Variants in F5 observed in about 807,000 individuals in gnomAD.
F5 encodes the protein activated protein c cofactor.
A neutral mutation model predicts 216.4 loss-of-function variants in F5; 138 were observed. The observed-to-expected ratio is 0.64, with a 90% CI of 0.56 to 0.73. The LOEUF (loss-of-function observed/expected upper bound fraction) is 0.73. Ranked by LOEUF, F5 falls within the 30% of genes least tolerant of loss-of-function variation. The probability of loss-of-function intolerance (pLI) is 0.00; values close to 1 mark genes in which losing one functional copy is unlikely to be tolerated. For missense variants in F5, 2,403 were observed against 2,674.0 expected (o/e 0.90, Z 2.24); for synonymous variants, 916 against 930.7 (o/e 0.98, Z 0.29).
intron 8 of F5, among the ~76,000 whole-genome samples, chr1:169,551,264 C>T (rs1312824632): frequency 6.6e-6 from 1 of 152,156 alleles, no homozygotes; most frequent in African/African-American, 2.4e-5. Flanking sequence ...GCCTGGGCAA[C>T]ATGGTGAAAC....
intron 16 of F5, among the ~76,000 whole-genome samples, chr1:169,529,299 C>T (rs190200683): frequency 6.6e-6 from 1 of 152,154 alleles, no homozygotes. Context: ...AATTGCAGAA[C>T]AATGTTAATT....
In F5 at chr1:169,577,560, AATATATATATATATATAT is replaced by A. The variant is rs3035292; in HGVS notation, c.250+4853_250+4870del. Among the ~76,000 whole-genome samples the A allele has an allele frequency of 2.6e-3, 141 of 54,470 alleles. 4 individuals are homozygous for A. The highest frequency in any genetic ancestry group is 6.1e-3 in the African/African-American group (110 of 17,912). The allele number at this position is 54,470 out of a possible 152,430, so 35.7% of individuals were successfully genotyped here. A position where few individuals can be genotyped will look rare whatever the true frequency, so the allele number is the denominator to read the frequency against. On this transcript the variant is annotated intron_variant, in intron 2 of 24. Coordinates refer to ENST00000367797, the MANE Select transcript of F5 (RefSeq NM_000130.5). The stretch of plus-strand genomic sequence containing the variant: ...TGTACCACCATGTCTGGCTAATTTA[AATATATATATATATATAT>A]ATATATATATATATATATATATATA...
intron 8 of F5, among the ~76,000 whole-genome samples, chr1:169,551,314 G>T (rs564045964): frequency 6.6e-6 from 1 of 152,298 alleles, no homozygotes; most frequent in Admixed American, 6.5e-5. Context: ...GCCAGGCGTT[G>T]GGGCGTGTGC....
chr1:169,574,622 C>T (rs1660801803), intron 2 of F5, among the ~76,000 whole-genome samples: 2 of 152,214 alleles, frequency 1.3e-5, no homozygotes, highest in South Asian at 4.1e-4. Flanking sequence ...TCCCTTAATA[C>T]ATTCAAGCAC....
chr1:169,529,479 C>T (rs3830170), intron 16 of F5, 129 bp downstream of exon 16: 22 of 837,284 alleles, frequency 2.6e-5, no homozygotes, highest in East Asian at 8.0e-5. Flanking sequence ...GTTAAGGAAC[C>T]GGTTTTAGTT....
Position 169,540,455 on chromosome 1 carries a change from G to A in F5, c.4635C>T (p.Pro1545=). The change falls in exon 13 of 25, where the codon CCC becomes CCT. Residue 1545 remains proline, a synonymous_variant. Coordinates refer to ENST00000367797, the MANE Select transcript of F5 (RefSeq NM_000130.5). ...EDDYAEIDYV[P]YDDPYKTDVR... ...CATCAGTTTTGTAGGGGTCATCATA[G>A]GGCACATAATCAATTTCAGCATAGT... 6.2e-7 allele frequency: 1 copy of A among 1,613,982 alleles called. No homozygotes were observed. Among genetic ancestry groups the A allele is most frequent in the East Asian group, 2.2e-5 (1 of 44,872 alleles).
chr1:169,585,698 C>T (rs1661089960), intron 1 of F5, among the ~76,000 whole-genome samples: 1 of 152,010 alleles, frequency 6.6e-6, no homozygotes, highest in African/African-American at 2.4e-5. Context: ...AGTACAAAAA[C>T]ATACAAGAAC....
At position 169,544,245 on chromosome 1, in the gene F5, A is replaced by T. The variant is rs749049787; in HGVS notation, c.1975+51T>A. The T allele has an allele frequency of 2.0e-6, 3 of 1,527,170 alleles. 1 individual carries two copies. The South Asian group carries it at 3.4e-5, about 17-fold the overall frequency. The allele number at this position is 1,527,170 out of a possible 1,614,324, so 94.6% of individuals were successfully genotyped here. Reference sequence around the variant, plus strand: ...GGAGAGTTGCAGCAGACCTTTATAGACCAGAAATTCAAAGCAAGCTTCCTC... The same window carrying T: ...GGAGAGTTGCAGCAGACCTTTATAGTCCAGAAATTCAAAGCAAGCTTCCTC... On this transcript the variant is annotated intron_variant, in intron 12 of 24. Transcript: ENST00000367797.
Position 169,529,509 on chromosome 1 carries a change from A to G in F5, c.5419+99T>C, listed in dbSNP as rs557484885. On this transcript the variant is annotated intron_variant, in intron 16 of 24. Coordinates refer to ENST00000367797, the MANE Select transcript of F5 (RefSeq NM_000130.5). ...TTAGTTGTAGCTCTGGGTGTCTCAG[A>G]AGCATCTCATGTCTAATCTTGTGAA... The G allele has an allele frequency of 5.4e-5, 60 of 1,105,718 alleles. No homozygotes were observed. In the Admixed American group the frequency reaches 7.7e-4, roughly 14 times the overall value. 68.5% of individuals were successfully genotyped at this position (1,105,718 alleles called of 1,614,324 possible). A position where few individuals can be genotyped will look rare whatever the true frequency, so the allele number is the denominator to read the frequency against.
At chr1:169,577,514 C>G (rs754680849) in intron 2 of F5, among the ~76,000 whole-genome samples, 1 of 138,564 alleles carries the variant, frequency 7.2e-6, no homozygotes, top group Non-Finnish European at 1.5e-5. Context: ...TTAGCCTCCC[C>G]AGTAGCTGAA....
intron 3 of F5, among the ~76,000 whole-genome samples, chr1:169,564,161 A>G (rs943975592): frequency 2.6e-5 from 4 of 152,042 alleles, no homozygotes; most frequent in African/African-American, 9.7e-5. Flanking sequence ...AGGAACATAA[A>G]CGATTACCGG....
intron 9 of F5, among the ~76,000 whole-genome samples, chr1:169,550,299 C>CCCCCCG (rs1553221195): frequency 8.2e-6 from 1 of 121,528 alleles, no homozygotes; most frequent in African/African-American, 3.0e-5. Context: ...CCCCCCCCCC[C>CCCCCCG]CGACAGGCCC....
At chr1:169,563,632 C>T (rs951370361) in intron 3 of F5, among the ~76,000 whole-genome samples, 6 of 151,764 alleles carry the variant, frequency 4.0e-5, no homozygotes, top group Admixed American at 2.0e-4. Context: ...TAGTGGTATC[C>T]TTCAGTTTAT....
chr1:169,567,280 G>A (rs963248626), intron 3 of F5, among the ~76,000 whole-genome samples: 8 of 151,930 alleles, frequency 5.3e-5, no homozygotes, highest in Non-Finnish European at 1.2e-4. Context: ...TATACCTAAT[G>A]CTAGATGACG....
At chr1:169,581,048 A>G (rs903987117) in intron 2 of F5, among the ~76,000 whole-genome samples, 2 of 152,124 alleles carry the variant, frequency 1.3e-5, no homozygotes, top group Non-Finnish European at 2.9e-5. Context: ...TTCAGAGGGA[A>G]AGTGGCTTCT....
intron 2 of F5, 114 bp downstream of exon 2, chr1:169,582,317 A>T (rs1661007180): frequency 1.7e-6 from 1 of 603,888 alleles, no homozygotes; most frequent in African/African-American, 1.9e-5. Context: ...TTCTTAAAAA[A>T]AAAACCACAC....
rs777696936 is a variant in F5, at chr1:169,540,754, T to C, written c.4336A>G (p.Thr1446Ala). 1 of 1,613,894 alleles carries C rather than the reference T, an allele frequency of 6.2e-7. No homozygotes were observed. Among genetic ancestry groups the C allele is most frequent in the African/African-American group, 1.3e-5 (1 of 74,980 alleles). The change falls in exon 13 of 25, where the codon ACC becomes GCC. Residue 1446 changes from threonine (T) to alanine (A), a missense_variant. By Grantham distance (58) the Thr-to-Ala change is moderately conservative (BLOSUM62 0). Coordinates refer to ENST00000367797, the MANE Select transcript of F5 (RefSeq NM_000130.5). ...VTLSPDISDT[T>A]LLPDLSQISP... The stretch of plus-strand genomic sequence containing the variant: ...ATCTGGCTGAGATCCGGGAGAAGGG[T>C]GGTGTCACTGATGTCTGGAGAGAGA...
chr1:169,559,890 A>G (rs1454251208), intron 4 of F5, among the ~76,000 whole-genome samples: 5 of 130,422 alleles, frequency 3.8e-5, no homozygotes, highest in Admixed American at 1.5e-4. Context: ...GTATGTAGGT[A>G]TGGCCTGAGC....
chr1:169,586,312 C>A lies in F5; in HGVS notation c.75G>T (p.Gly25=). 1 of 1,614,168 alleles carries A rather than the reference C, an allele frequency of 6.2e-7. No homozygotes were observed. The highest frequency in any genetic ancestry group is 8.5e-7 in the Non-Finnish European group (1 of 1,180,018). The change falls in exon 1 of 25, where the codon GGG becomes GGT. Residue 25 remains glycine (G), a synonymous_variant. Transcript: ENST00000367797. ...ACTGCCTTAGCTGTGCCGCTTCTGTCCCTTGGCTCCCCCAGCCTACCCAGC... is the reference window on the plus strand; with the variant it reads ...ACTGCCTTAGCTGTGCCGCTTCTGTACCTTGGCTCCCCCAGCCTACCCAGC... ...GTSWVGWGSQ[G]TEAAQLRQFY...
Sources: gnomAD v4.1 joint callset for allele counts (sites outside exome capture counted in the v4.1 genomes callset) on GRCh38, gnomAD v4.1.1 for gene constraint, MANE v1.5 for transcripts, NCBI Gene and HGNC (gene_info 2026-07-23, HGNC 2026-07-21) for gene names.